CCDC22: variants seen among roughly 807,000 people sequenced by gnomAD.
The protein encoded by CCDC22 is coiled-coil domain-containing protein 22.
CCDC22 carries 4 observed loss-of-function variants against 53.1 expected under a neutral mutation model. That is an observed-to-expected ratio of 0.08 (90% CI 0.04 to 0.17). The LOEUF (loss-of-function observed/expected upper bound fraction) is 0.17. CCDC22 is among the 10% of genes least tolerant of loss of function. The probability of loss-of-function intolerance (pLI) is 1.00; values close to 1 mark genes in which losing one functional copy is unlikely to be tolerated. For missense variants in CCDC22, 458 were observed against 554.0 expected (o/e 0.83, Z 1.74); for synonymous variants, 222 against 224.4 (o/e 0.99, Z 0.10).
At chrX:49,242,261 G>A (rs2065967412) in intron 3 of CCDC22, 113 bp downstream of exon 3, 12 of 1,122,513 alleles carry the variant, frequency 1.1e-5, no homozygotes, top group South Asian at 4.3e-5. Flanking sequence ...TAGGGGTGGC[G>A]GTATGTGCCT....
rs782545318 is a variant in CCDC22 at position 49,249,677 on chromosome X, C to T, written c.1722C>T (p.Ile574=). The T allele has an allele frequency of 5.8e-6, 7 of 1,210,258 alleles. No homozygotes were observed. The Admixed American group carries it at 6.5e-5, about 11-fold the overall frequency. Residue 574 remains isoleucine (I), a synonymous_variant, in exon 16 of 17, where the codon ATC becomes ATT. Coordinates refer to ENST00000376227, the MANE Select transcript of CCDC22 (RefSeq NM_014008.5). ...ACTGCAGCCAGCTCATCCAGACCATCGAGGACACAGGCACCATCATGCGGG... is the reference window on the plus strand; with the variant it reads ...ACTGCAGCCAGCTCATCCAGACCATTGAGGACACAGGCACCATCATGCGGG... The part of the protein sequence containing the change: ...HENCSQLIQT[I]EDTGTIMREV...
chrX:49,247,014 A>T, intron 7 of CCDC22, 89 bp downstream of exon 7: 1 of 815,270 alleles, frequency 1.2e-6, no homozygotes, highest in Non-Finnish European at 1.8e-6. Context: ...CTTTATCCAC[A>T]CAGGTTCCTG....
At position 49,243,407 on chromosome X, in the gene CCDC22, G is replaced by A. The variant is rs201088755; in HGVS notation, c.659G>A (p.Arg220Gln). Residue 220 changes from arginine (R) to glutamine (Q), a missense_variant, in exon 6 of 17, where the codon CGG becomes CAG. Arg to Gln is a conservative substitution (Grantham distance 43). Transcript: ENST00000376227. ...HALQLCQQTG[R>Q]DRPGDEDWVH... The stretch of plus-strand genomic sequence containing the variant: ...CTGCAGCTCTGCCAGCAGACGGGCC[G>A]GGACCGGCCAGGGGATGAGGACTGG... 2.3e-4 allele frequency: 273 copies of A among 1,202,312 alleles called. No individual in the cohort carries two copies. Among genetic ancestry groups the A allele is most frequent in the Middle Eastern group, 1.9e-3 (8 of 4,304 alleles).
In CCDC22 at chrX:49,235,596, C is replaced by T. The variant is rs1557112490; in HGVS notation, c.-41C>T. The T allele has an allele frequency of 8.7e-7, 1 of 1,144,450 alleles. No individual in the cohort carries two copies. The highest frequency in any genetic ancestry group is 2.6e-5 in the Admixed American group (1 of 39,018). 94.3% of individuals were successfully genotyped at this position (1,144,450 alleles called of 1,213,427 possible). A position where few individuals can be genotyped will look rare whatever the true frequency, so the allele number is the denominator to read the frequency against. ...ACAGCTGCTCCCCACTTTCTCGGAC[C>T]CGGTCCTGGACCCAGCCCCCGACTC... is the stretch of plus-strand genomic sequence containing the variant. On this transcript the variant is annotated 5_prime_UTR_variant, in exon 1 of 17. Transcript: ENST00000376227.
At chrX:49,235,826 T>G in intron 1 of CCDC22, 140 bp downstream of exon 1, 5 of 247,220 alleles carry the variant, frequency 2.0e-5, no homozygotes, top group African/African-American at 4.2e-5. Flanking sequence ...CTCACCCCCT[T>G]ACACACACAC....
At chrX:49,243,631 C>G (rs1455548200) in intron 6 of CCDC22, among the ~76,000 whole-genome samples, 169 bp downstream of exon 6, 3 of 112,493 alleles carry the variant, frequency 2.7e-5, no homozygotes, top group Non-Finnish European at 5.6e-5. Context: ...AAAAGGAGAA[C>G]CTGGGACAAG....
intron 2 of CCDC22, among the ~76,000 whole-genome samples, chrX:49,237,823 G>A (rs1175180455): frequency 1.9e-5 from 2 of 103,129 alleles, no homozygotes; most frequent in Admixed American, 1.1e-4. Flanking sequence ...GCAGTGGTGC[G>A]ATCTTGGCTC....
chrX:49,243,336 G>A lies in CCDC22; in HGVS notation c.588G>A (p.Val196=). The A allele has an allele frequency of 3.3e-6, 4 of 1,204,201 alleles. No homozygotes were observed. The African/African-American group carries it at 6.9e-5, about 21-fold the overall frequency. ...TGCTGCTTCCAGTCCCTACCCAGGTGCCTCAGCCTGTTGGAAGGGTGGCCT... is the reference window on the plus strand; with the variant it reads ...TGCTGCTTCCAGTCCCTACCCAGGTACCTCAGCCTGTTGGAAGGGTGGCCT... The part of the protein sequence containing the change: ...SPLLLPVPTQ[V]PQPVGRVASL... Residue 196 remains valine (V), a synonymous_variant, in exon 6 of 17, where the codon GTG becomes GTA. Coordinates refer to ENST00000376227, the MANE Select transcript of CCDC22 (RefSeq NM_014008.5).
At position 49,250,218 on chromosome X, in the gene CCDC22, G is replaced by A. The variant is rs1204399215; in HGVS notation, c.1841G>A (p.Arg614His). Reference sequence around the variant, plus strand: ...ATCCGGGAGGACTACCGAGCCCTCCGCCAGGAGAACGCTGGCCTCCTAGGC... The same window carrying A: ...ATCCGGGAGGACTACCGAGCCCTCCACCAGGAGAACGCTGGCCTCCTAGGC... ...EKIREDYRAL[R>H]QENAGLLGRV... Residue 614 changes from arginine to histidine, a missense_variant, in exon 17 of 17, where the codon CGC becomes CAC. Physicochemically the swap from Arg to His is conservative, Grantham distance 29 (BLOSUM62 0). Around this residue, in one of 4 missense-constraint regions of CCDC22, gnomAD observed 46 missense variants for 52.3 expected, o/e 0.88. Transcript: ENST00000376227. The A allele has an allele frequency of 1.0e-5, 12 of 1,162,310 alleles. No homozygotes were observed. The highest frequency in any genetic ancestry group is 3.6e-5 in the African/African-American group (2 of 55,900).
chrX:49,235,538 C>G lies in CCDC22; in HGVS notation c.-99C>G. On this transcript the variant is annotated 5_prime_UTR_variant, in exon 1 of 17. Transcript: ENST00000376227. The stretch of plus-strand genomic sequence containing the variant: ...AACTCTCCCCACACGACCCGTGACA[C>G]TCTGTGGACCGCGAGCACGGAGCAG... 1.3e-6 allele frequency: 1 copy of G among 786,196 alleles called. No individual in the cohort carries two copies. Among genetic ancestry groups the G allele is most frequent in the Admixed American group, 2.6e-5 (1 of 38,265 alleles). 64.8% of individuals were successfully genotyped at this position (786,196 alleles called of 1,213,427 possible).
chrX:49,246,756 G>A lies in CCDC22; in HGVS notation c.740G>A (p.Arg247Gln), dbSNP rs782566464. Residue 247 changes from arginine to glutamine, a missense_variant, in exon 7 of 17, where the codon CGG becomes CAG. Arg to Gln is a conservative substitution (Grantham distance 43). Coordinates refer to ENST00000376227, the MANE Select transcript of CCDC22 (RefSeq NM_014008.5). ...PQEDTRAQRQ[R>Q]LQKQLTEHLR... ...GAGGACACACGGGCTCAGCGGCAGC[G>A]GCTGCAAAAGCAACTGACTGAGCAT... 12 of 1,166,639 alleles carry A rather than the reference G, an allele frequency of 1.0e-5. No individual in the cohort carries two copies. The highest frequency in any genetic ancestry group is 1.4e-5 in the Non-Finnish European group (12 of 872,827).
chrX:49,236,506 C>T (rs1402043017), intron 1 of CCDC22, among the ~76,000 whole-genome samples: 1 of 110,894 alleles, frequency 9.0e-6, no homozygotes, highest in East Asian at 2.8e-4. Flanking sequence ...CCACGCCCAG[C>T]CAAAAAAACC....
intron 1 of CCDC22, among the ~76,000 whole-genome samples, 165 bp downstream of exon 1, chrX:49,235,851 A>ACACGCACACG (rs782369144): frequency 1.0e-5 from 1 of 100,427 alleles, no homozygotes; most frequent in Non-Finnish European, 2.0e-5. Flanking sequence ...ACACACACAC[A>ACACGCACACG]CACACACACA....
chrX:49,248,348 G>A, intron 10 of CCDC22, 38 bp downstream of exon 10: 1 of 1,163,841 alleles, frequency 8.6e-7, no homozygotes, highest in Non-Finnish European at 1.2e-6. Flanking sequence ...GAGGGGCAGG[G>A]TGGGGTGGGG....
In CCDC22 at chrX:49,237,087, G is replaced by A. The variant is rs1557112812; in HGVS notation, c.52G>A (p.Ala18Thr). The A allele has an allele frequency of 1.7e-6, 2 of 1,206,447 alleles. No individual in the cohort carries two copies. Among genetic ancestry groups the A allele is most frequent in the African/African-American group, 1.7e-5 (1 of 57,306 alleles). Residue 18 changes from alanine (A) to threonine (T), a missense_variant and splice_region_variant, in exon 2 of 17, where the codon GCA becomes ACA. Around this residue, in one of 4 missense-constraint regions of CCDC22, gnomAD observed 55 missense variants for 106.0 expected, o/e 0.52. Transcript: ENST00000376227. Reference sequence around the variant, plus strand: ...GATCAAGCTGGTCCCCTTCTTCAGGGCAGTTCCTCCAGATGTGCAGACCTT... The same window carrying A: ...GATCAAGCTGGTCCCCTTCTTCAGGACAGTTCCTCCAGATGTGCAGACCTT... ...LIHSLRQAGT[A>T]VPPDVQTLRA...
intron 7 of CCDC22, 56 bp from the exon 8 acceptor site, chrX:49,247,440 C>A: frequency 9.1e-7 from 1 of 1,095,774 alleles, no homozygotes. Flanking sequence ...TGAGGCTGGG[C>A]CACGTGAGGA....
At chrX:49,235,718 C>T (rs1557112566) in intron 1 of CCDC22, 32 bp downstream of exon 1, 7 of 1,142,341 alleles carry the variant, frequency 6.1e-6, no homozygotes, top group Middle Eastern at 2.4e-4. Flanking sequence ...ACCCCCGAAG[C>T]CCACATCCGG....
At chrX:49,243,686 G>A (rs1188987562) in intron 6 of CCDC22, among the ~76,000 whole-genome samples, 7 of 112,624 alleles carry the variant, frequency 6.2e-5, no homozygotes, top group African/African-American at 2.3e-4. Flanking sequence ...CTAAAATTTG[G>A]GGTAGTAATA....
chrX:49,238,175 G>T (rs961986415), intron 2 of CCDC22, among the ~76,000 whole-genome samples: 2 of 106,634 alleles, frequency 1.9e-5, no homozygotes, highest in East Asian at 5.8e-4. Flanking sequence ...CTGTCTCCTG[G>T]GTTCAAGTGA....
Sources: gnomAD v4.1 joint callset for allele counts (sites outside exome capture counted in the v4.1 genomes callset) on GRCh38, gnomAD v4.1.1 for gene constraint, gnomAD v4.1.1 regional missense constraint, MANE v1.5 for transcripts, NCBI Gene and HGNC (gene_info 2026-07-23, HGNC 2026-07-21) for gene names.